SBK1: variants seen among roughly 807,000 people sequenced by gnomAD.
SBK1 encodes serine/threonine-protein kinase SBK1.
A neutral mutation model predicts 24.4 loss-of-function variants in SBK1; 11 were observed. The ratio of observed to expected loss-of-function variants is 0.45; its 90% CI spans 0.28 to 0.75. The LOEUF (loss-of-function observed/expected upper bound fraction) is 0.75, where lower values mean the gene tolerates loss of function less well. Ranked by LOEUF, SBK1 falls within the 30% of genes least tolerant of loss-of-function variation. The probability of loss-of-function intolerance (pLI) is 0.12; values close to 1 mark genes in which losing one functional copy is unlikely to be tolerated. For synonymous variants in SBK1, 308 were observed against 284.4 expected, an observed-to-expected ratio of 1.08 and a Z score of -0.83; for missense variants, 467 against 620.5, an observed-to-expected ratio of 0.75 and a Z score of 2.63.
intron 1 of SBK1, among the ~76,000 whole-genome samples, chr16:28,293,596 C>G (rs557686649): frequency 5.5e-4 from 84 of 152,088 alleles, no homozygotes; most frequent in African/African-American, 1.1e-3. Context: ...AGAGTCCCCC[C>G]CCAAAAGCTG....
At chr16:28,294,339 C>G (rs2044623714) in intron 1 of SBK1, among the ~76,000 whole-genome samples, 1 of 152,198 alleles carries the variant, frequency 6.6e-6, no homozygotes, top group South Asian at 2.1e-4. Context: ...CTCATCTCTT[C>G]TCTCTGAGCC....
At chr16:28,307,851 G>A (rs566631441) in intron 1 of SBK1, among the ~76,000 whole-genome samples, 64 of 152,290 alleles carry the variant, frequency 4.2e-4, no homozygotes, top group African/African-American at 1.5e-3. Context: ...CCTGTAAAAT[G>A]GGGATAGCGA....
Position 28,320,870 on chromosome 16 carries a change from C to G in SBK1, c.1224C>G (p.Asp408Glu), listed in dbSNP as rs1247417041. The change falls in exon 4 of 4, where the codon GAC becomes GAG. Residue 408 changes from aspartate (D) to glutamate (E), a missense_variant. Physicochemically the swap from Asp to Glu is conservative, Grantham distance 45 (BLOSUM62 2). This residue lies in a region of SBK1 where 166 missense variants were observed against 146.8 expected (regional missense o/e 1.13). Transcript: ENST00000341901. The surrounding 1 kb of genome is among the most constrained non-coding windows in gnomAD (Gnocchi z 8.5). ...GPPGRTDGRA[D>E]KSKGQVVLAT... is the part of the protein sequence containing the mutation. ...CCGGCCGGACCGACGGCCGCGCGGA[C>G]AAGAGCAAAGGGCAGGTGGTGCTGG... is the stretch of plus-strand genomic sequence containing the variant. 1 of 1,502,498 alleles carries G rather than the reference C, an allele frequency of 6.7e-7. No homozygotes were observed. The highest frequency in any genetic ancestry group is 8.8e-7 in the Non-Finnish European group (1 of 1,130,604). The allele number at this position is 1,502,498 out of a possible 1,614,324, so 93.1% of individuals were successfully genotyped here.
chr16:28,278,787 A>C (rs1813707260), intron 1 of SBK1, among the ~76,000 whole-genome samples: 2 of 152,276 alleles, frequency 1.3e-5, no homozygotes, highest in South Asian at 4.1e-4. Context: ...CCCCGACAAC[A>C]GTCACCACTG....
rs534225331 is a variant in SBK1, at chr16:28,260,024, C to T, written c.257+522C>T. Among the ~76,000 whole-genome samples, 3 of 152,172 alleles carry T rather than the reference C, an allele frequency of 2.0e-5. No homozygotes were observed. In the East Asian group the frequency reaches 5.8e-4, roughly 29 times the overall value. ...CTTTCCATCCTGCACTGCAGTGGCA[C>T]CTAACAGATGTTCCATCTTTGTTGA... is the stretch of plus-strand genomic sequence containing the variant. On this transcript the variant is annotated intron_variant, in intron 1 of 3. Coordinates refer to the SBK1 transcript ENST00000671413.
upstream of SBK1, chr16:28,290,657 C>CAGGAAGGAAGGAAAGAAGAA (rs1567674518): frequency 7.2e-6 from 1 of 138,738 alleles, no homozygotes; most frequent in African/African-American, 2.7e-5. Context: ...GGTAGGAAGG[C>CAGGAAGGAAGGAAAGAAGAA]AGGAAGGAAG....
upstream of SBK1, chr16:28,291,923 A>G (rs1232182104): frequency 1.3e-5 from 2 of 152,212 alleles, no homozygotes; most frequent in African/African-American, 4.8e-5. Context: ...CCTCTTCCCC[A>G]AGAAGACTGT....
chr16:28,299,814 G>A (rs1322005378), intron 1 of SBK1, among the ~76,000 whole-genome samples: 2 of 152,184 alleles, frequency 1.3e-5, no homozygotes, highest in Non-Finnish European at 2.9e-5. Context: ...TGGAAGCCAG[G>A]TCCCCGCCAT....
At chr16:28,288,130 T>C (rs2044577717), upstream of SBK1, among the ~76,000 whole-genome samples, 1 of 151,918 alleles carries the variant, frequency 6.6e-6, no homozygotes, top group Non-Finnish European at 1.5e-5. Flanking sequence ...GGAAGGATGA[T>C]GGGAGAGGAA....
intron 1 of SBK1, among the ~76,000 whole-genome samples, chr16:28,273,110 T>C (rs1470451349): frequency 6.6e-6 from 1 of 151,094 alleles, no homozygotes; most frequent in Non-Finnish European, 1.5e-5. Flanking sequence ...AGGGTCTCAT[T>C]ATGTTGCCCA....
At position 28,317,562 on chromosome 16, in the gene SBK1, G is replaced by A. The variant is rs201220244; in HGVS notation, c.171G>A (p.Arg57=). 151 of 1,614,206 alleles carry A rather than the reference G, an allele frequency of 9.4e-5. 1 individual carries two copies. The East Asian group carries it at 3.4e-3, about 36-fold the overall frequency. The part of the protein sequence containing the change: ...SDVTKHYELV[R]ELGKGTYGKV... ...TCACCAAGCACTACGAACTAGTCCG[G>A]GAGCTGGGCAAAGGCACCTATGGGA... The change falls in exon 2 of 4, where the codon CGG becomes CGA. Residue 57 remains arginine, a synonymous_variant. Transcript: ENST00000341901. This position sits in a 1 kb window ranked among gnomAD's most constrained non-coding sequence, Gnocchi z 4.2.
chr16:28,264,571 CAA>C (rs34293134), intron 1 of SBK1, among the ~76,000 whole-genome samples: 12 of 107,880 alleles, frequency 1.1e-4, no homozygotes, highest in African/African-American at 1.8e-4. Context: ...GACTCCGTCT[CAA>C]AAAAAAAAAA....
intron 1 of SBK1, among the ~76,000 whole-genome samples, chr16:28,315,328 A>G (rs1046438633): frequency 2.4e-4 from 37 of 152,234 alleles, no homozygotes; most frequent in African/African-American, 8.4e-4. Flanking sequence ...TGTCAGAATC[A>G]TCACACTGTA....
At position 28,263,201 on chromosome 16, in the gene SBK1, G is replaced by A. The variant is rs535218934; in HGVS notation, c.257+3699G>A. Among the ~76,000 whole-genome samples, 25 of 152,262 alleles carry A rather than the reference G, an allele frequency of 1.6e-4. No individual in the cohort carries two copies. In the East Asian group the frequency reaches 3.3e-3, roughly 20 times the overall value. ...TTCATTCATTCACTCAACAAATTTC[G>A]TTGCATAGCTTTTGTGGGCTAGCAC... On this transcript the variant is annotated intron_variant, in intron 1 of 3. Transcript: ENST00000671413.
intron 1 of SBK1, among the ~76,000 whole-genome samples, chr16:28,310,002 C>T (rs1245046622): frequency 6.6e-6 from 1 of 152,192 alleles, no homozygotes; most frequent in Non-Finnish European, 1.5e-5. Context: ...GCTTGCCGAC[C>T]GCCAGCAGGA....
chr16:28,277,353 A>AGAGAGAG (rs150450463), intron 1 of SBK1, among the ~76,000 whole-genome samples: 1 of 148,960 alleles, frequency 6.7e-6, no homozygotes, highest in African/African-American at 2.5e-5. Context: ...AGAGAGAGAG[A>AGAGAGAG]AAAAAAAAAG....
chr16:28,283,235 T>C (rs1371713200), intron 1 of SBK1, among the ~76,000 whole-genome samples: 1 of 152,070 alleles, frequency 6.6e-6, no homozygotes, highest in African/African-American at 2.4e-5. Context: ...CCGACCATAC[T>C]CCCACATTTT....
chr16:28,264,710 T>C (rs1346422711), intron 1 of SBK1, among the ~76,000 whole-genome samples: 2 of 152,046 alleles, frequency 1.3e-5, no homozygotes, highest in East Asian at 1.9e-4. Flanking sequence ...ACGGTGGAAC[T>C]TCAGGGTCAT....
chr16:28,315,243 G>C (rs898908144), intron 1 of SBK1, among the ~76,000 whole-genome samples: 1 of 142,326 alleles, frequency 7.0e-6, no homozygotes, highest in Non-Finnish European at 1.5e-5. Context: ...GGGGGATGGG[G>C]TTTTAGAAAG....
Sources: allele counts gnomAD v4.1 joint callset (sites outside exome capture counted in the v4.1 genomes callset), GRCh38; gene constraint gnomAD v4.1.1; regional missense constraint gnomAD v4.1.1; non-coding constraint Gnocchi (gnomAD v3.1); transcripts MANE v1.5; gene names NCBI Gene and HGNC (gene_info 2026-07-23, HGNC 2026-07-21).